PHF11: variants seen among roughly 807,000 people sequenced by gnomAD.
PHF11 encodes the protein BRCA1 C-terminus-associated protein.
Under a neutral mutation model 40.5 loss-of-function variants are expected in PHF11, and 38 were observed. That is an observed-to-expected ratio of 0.94 (90% CI 0.72 to 1.23). The LOEUF (loss-of-function observed/expected upper bound fraction) is 1.23. Ranked by LOEUF, PHF11 falls within the 50% of genes most tolerant of loss-of-function variation. The probability of loss-of-function intolerance (pLI) is 0.00; values close to 1 mark genes in which losing one functional copy is unlikely to be tolerated. For missense variants in PHF11, 369 were observed against 392.4 expected, an observed-to-expected ratio of 0.94 and a Z score of 0.50; for synonymous variants, 127 against 138.2, an observed-to-expected ratio of 0.92 and a Z score of 0.57.
chr13:49,514,040 C>A (rs554630665), intron 3 of PHF11, among the ~76,000 whole-genome samples: 19 of 152,266 alleles, frequency 1.2e-4, no homozygotes, highest in Admixed American at 1.1e-3. Context: ...GTGGCCATAA[C>A]TAATCAGGGG....
chr13:49,518,012 C>T lies in PHF11; in HGVS notation c.325-6C>T. On this transcript the variant is annotated splice_polypyrimidine_tract_variant and splice_region_variant and intron_variant, in intron 3 of 9. Coordinates refer to ENST00000378319, the MANE Select transcript of PHF11 (RefSeq NM_001040443.3). Reference sequence around the variant, plus strand: ...TACTTACTCAGTAAAATCTATTCTTCTGTAGAAATGCAAATTTTGTCATAA... The same window carrying T: ...TACTTACTCAGTAAAATCTATTCTTTTGTAGAAATGCAAATTTTGTCATAA... The T allele has an allele frequency of 6.7e-7, 1 of 1,482,908 alleles. No individual in the cohort carries two copies. 91.9% of individuals were successfully genotyped at this position (1,482,908 alleles called of 1,614,324 possible).
At chr13:49,521,147 C>T (rs1270676717) in intron 5 of PHF11, 2 of 1,236,312 alleles carry the variant, frequency 1.6e-6, no homozygotes, top group East Asian at 3.4e-5. Flanking sequence ...GACCTATTCT[C>T]TTTGAACCAT....
chr13:49,524,338 C>G (rs1171675718), intron 8 of PHF11, 122 bp downstream of exon 8: 5 of 786,770 alleles, frequency 6.4e-6, no homozygotes, highest in Non-Finnish European at 4.0e-6. Flanking sequence ...TTTCTTCTAT[C>G]AGCTTTTGGA....
chr13:49,518,164 A>C lies in PHF11; in HGVS notation c.458+13A>C. The C allele has an allele frequency of 6.4e-7, 1 of 1,563,480 alleles. No homozygotes were observed. The highest frequency in any genetic ancestry group is 8.7e-7 in the Non-Finnish European group (1 of 1,150,390). ...GAGGAATTTATAAGTATTTAATAAA[A>C]CATTTTTAAAACCACATTTGGGGGA... is the stretch of plus-strand genomic sequence containing the variant. On this transcript the variant is annotated intron_variant, in intron 4 of 9. Coordinates refer to ENST00000378319, the MANE Select transcript of PHF11 (RefSeq NM_001040443.3).
At position 49,497,124 on chromosome 13, in the gene PHF11, C is replaced by G; in HGVS notation, c.94+1029C>G. 3 of 1,289,320 alleles carry G rather than the reference C, an allele frequency of 2.3e-6. No homozygotes were observed. The South Asian group carries it at 3.7e-5, about 16-fold the overall frequency. The allele number at this position is 1,289,320 out of a possible 1,614,324, so 79.9% of individuals were successfully genotyped here. On this transcript the variant is annotated intron_variant, in intron 1 of 9. Coordinates refer to ENST00000378319, the MANE Select transcript of PHF11 (RefSeq NM_001040443.3). ...AGCAGAGAGGATGACACAAAGGCACCAAACCACAAAACGTCACACGTAAAC... is the reference window on the plus strand; with the variant it reads ...AGCAGAGAGGATGACACAAAGGCACGAAACCACAAAACGTCACACGTAAAC...
rs779247504 is a variant in PHF11 at position 49,524,164 on chromosome 13, C to CAAAGT, written c.718_722dup (p.His242LysfsTer37). Reference sequence around the variant, plus strand: ...ATTACTTACTTGAAGAAATATTAGACAAAGTTCATTCAATTCCAGAAAAAC... The same window carrying CAAAGT: ...ATTACTTACTTGAAGAAATATTAGACAAAGTAAAGTTCATTCAATTCCAGAAAAAC... On this transcript the variant is annotated frameshift_variant, in exon 8 of 10. Transcript: ENST00000378319. LOFTEE classifies it high-confidence loss of function. The CAAAGT allele has an allele frequency of 6.2e-7, 1 of 1,607,662 alleles. No individual in the cohort carries two copies. The highest frequency in any genetic ancestry group is 1.1e-5 in the South Asian group (1 of 90,754).
rs201826842 is a variant in PHF11, at chr13:49,506,774, A to G, written c.216+18A>G. On this transcript the variant is annotated intron_variant, in intron 2 of 9. Transcript: ENST00000378319. ...ATTGTTTGGTAAGTTACTTGAAAAC[A>G]TACTTCAAAGTACATGAGTACTTTT... The G allele has an allele frequency of 5.0e-6, 8 of 1,593,498 alleles. No homozygotes were observed. The African/African-American group carries it at 9.4e-5, about 19-fold the overall frequency.
At chr13:49,504,381 T>C (rs1191251025) in intron 1 of PHF11, among the ~76,000 whole-genome samples, 1 of 151,976 alleles carries the variant, frequency 6.6e-6, no homozygotes, top group Non-Finnish European at 1.5e-5. Context: ...ACTTGAGCCC[T>C]GGAGGCAGAG....
intron 5 of PHF11, chr13:49,521,267 A>C (rs1049129438): frequency 9.8e-7 from 1 of 1,021,274 alleles, no homozygotes; most frequent in African/African-American, 1.7e-5. Context: ...AGTAGATAAA[A>C]TTTTAAAAGT....
rs558092860 is a variant in PHF11 at position 49,500,496 on chromosome 13, G to A, written c.94+4401G>A. ...CTGTCTGTGTAAAAGTCCTCAGTGT[G>A]ACTCCCATAGTGAGAGATGCCTGTG... is the stretch of plus-strand genomic sequence containing the variant. On this transcript the variant is annotated intron_variant, in intron 1 of 9. Transcript: ENST00000378319. 1.8e-4 allele frequency among the ~76,000 whole-genome samples: 27 copies of A among 152,230 alleles called. No individual in the cohort carries two copies. In the South Asian group the frequency reaches 4.6e-3, roughly 26 times the overall value.
chr13:49,525,409 G>A (rs896503128), intron 8 of PHF11, among the ~76,000 whole-genome samples: 11 of 151,994 alleles, frequency 7.2e-5, no homozygotes, highest in Admixed American at 3.3e-4. Flanking sequence ...CAACACACTC[G>A]GCTAATTTTT....
At chr13:49,509,234 C>CA (rs796928247) in intron 2 of PHF11, among the ~76,000 whole-genome samples, 10 of 145,966 alleles carry the variant, frequency 6.9e-5, no homozygotes, top group African/African-American at 2.5e-4. Context: ...TTTTTTGAGA[C>CA]AGAGTCTTGC....
At chr13:49,510,477 G>A (rs1959068356) in intron 2 of PHF11, among the ~76,000 whole-genome samples, 1 of 151,956 alleles carries the variant, frequency 6.6e-6, no homozygotes, top group African/African-American at 2.4e-5. Flanking sequence ...CCATTTAATG[G>A]TGATGTTTTA....
In PHF11 at chr13:49,524,032, A is replaced by G; in HGVS notation, c.638-53A>G. Reference sequence around the variant, plus strand: ...TGAAGAAATAAGCATAAAGTAATTTATGATTAGCTGCCCTAAGACTATTTC... The same window carrying G: ...TGAAGAAATAAGCATAAAGTAATTTGTGATTAGCTGCCCTAAGACTATTTC... On this transcript the variant is annotated intron_variant, in intron 7 of 9. Transcript: ENST00000378319. 9 of 1,505,278 alleles carry G rather than the reference A, an allele frequency of 6.0e-6. No individual in the cohort carries two copies. The South Asian group carries it at 9.8e-5, about 16-fold the overall frequency. 93.2% of individuals were successfully genotyped at this position (1,505,278 alleles called of 1,614,324 possible).
chr13:49,524,304 C>A (rs1196221963), intron 8 of PHF11, 88 bp downstream of exon 8: 65 of 1,016,746 alleles, frequency 6.4e-5, no homozygotes, highest in Non-Finnish European at 6.6e-5. Flanking sequence ...AAAAAAAAGG[C>A]CCATTTTCTT....
At chr13:49,525,449 T>C (rs1959233627) in intron 8 of PHF11, among the ~76,000 whole-genome samples, 1 of 152,186 alleles carries the variant, frequency 6.6e-6, no homozygotes, top group Non-Finnish European at 1.5e-5. Context: ...AGTTTCACCA[T>C]GTTGGCCAGG....
At chr13:49,513,630 C>T (rs1390627029) in intron 3 of PHF11, among the ~76,000 whole-genome samples, 1 of 126,370 alleles carries the variant, frequency 7.9e-6, no homozygotes, top group Non-Finnish European at 1.9e-5. Flanking sequence ...CACGCCCGGC[C>T]AACATTTAAT....
At chr13:49,505,886 A>C (rs2139039827) in intron 1 of PHF11, among the ~76,000 whole-genome samples, 1 of 152,336 alleles carries the variant, frequency 6.6e-6, no homozygotes, top group South Asian at 2.1e-4. Context: ...TTATGTCTTT[A>C]ATTCTCATAG....
intron 4 of PHF11, among the ~76,000 whole-genome samples, chr13:49,519,409 C>T (rs1959177185): frequency 6.6e-6 from 1 of 152,002 alleles, no homozygotes. Flanking sequence ...ATATACTGAT[C>T]ACACCCATTA....
Sources: allele counts gnomAD v4.1 joint callset (sites outside exome capture counted in the v4.1 genomes callset), GRCh38; gene constraint gnomAD v4.1.1; transcripts MANE v1.5; gene names NCBI Gene and HGNC (gene_info 2026-07-23, HGNC 2026-07-21).